ADAM20: variants seen among roughly 807,000 people sequenced by gnomAD.
ADAM20 encodes ADAM metallopeptidase domain 20.
For missense variants in ADAM20, 871 were observed against 883.2 expected (o/e 0.99, Z 0.18); for synonymous variants, 305 against 310.2 (o/e 0.98, Z 0.18).
At chr14:70,562,055 C>A in the ADAM20 span, among the ~76,000 whole-genome samples, 3 of 152,202 alleles carry the variant, frequency 2.0e-5, no homozygotes, top group African/African-American at 7.2e-5. Context: ...CAGCTTGAAC[C>A]GAGCACATGG....
Position 70,524,551 on chromosome 14 carries a change from T to A in ADAM20, c.207A>T (p.Gly69=). Residue 69 remains glycine (G), a synonymous_variant, in exon 2 of 2, where the codon GGA becomes GGT. Coordinates refer to ENST00000256389, the MANE Select transcript of ADAM20 (RefSeq NM_003814.5). ...CCCTCATGTGGACAATGTATCTCTG[T>A]CCCCCAAACCGCAGGCTATAGGAGA... ...GWLSYSLRFG[G]QRYIVHMRVN... 6.2e-7 allele frequency: 1 copy of A among 1,613,840 alleles called. No homozygotes were observed. The highest frequency in any genetic ancestry group is 8.5e-7 in the Non-Finnish European group (1 of 1,179,898).
chr14:70,530,985 C>T (rs1287110890), intron 1 of ADAM20, among the ~76,000 whole-genome samples: 1 of 150,890 alleles, frequency 6.6e-6, no homozygotes, highest in Admixed American at 6.6e-5. Context: ...AGAAAAAAGA[C>T]ATAAACATTG....
chr14:70,574,368 G>A, the ADAM20 span, among the ~76,000 whole-genome samples: 16 of 152,204 alleles, frequency 1.1e-4, no homozygotes, highest in South Asian at 4.2e-4. Context: ...AGAAGAGGCC[G>A]GGCATGGTGG....
At chr14:70,579,078 A>G in the ADAM20 span, among the ~76,000 whole-genome samples, 1 of 152,054 alleles carries the variant, frequency 6.6e-6, no homozygotes, top group Non-Finnish European at 1.5e-5. Flanking sequence ...TTAAAATCCA[A>G]TCCACTCTTG....
chr14:70,563,293 GT>G, the ADAM20 span, among the ~76,000 whole-genome samples: 1 of 152,050 alleles, frequency 6.6e-6, no homozygotes, highest in Non-Finnish European at 1.5e-5. Context: ...AAAGGAAAAG[GT>G]TTGCTATATT....
chr14:70,527,654 C>A (rs1262649275), intron 1 of ADAM20, among the ~76,000 whole-genome samples: 1 of 152,146 alleles, frequency 6.6e-6, no homozygotes, highest in East Asian at 1.9e-4. Flanking sequence ...GTAAACAAAT[C>A]TCTGTAGATC....
chr14:70,538,831 C>T (rs1052371033), upstream of ADAM20, among the ~76,000 whole-genome samples: 1 of 152,176 alleles, frequency 6.6e-6, no homozygotes, highest in Non-Finnish European at 1.5e-5. Context: ...TGGAGTCTTG[C>T]TCTGTCACCA....
the ADAM20 span, among the ~76,000 whole-genome samples, chr14:70,555,937 C>T: frequency 6.6e-6 from 1 of 152,202 alleles, no homozygotes; most frequent in African/African-American, 2.4e-5. Flanking sequence ...TTCCTTTTAA[C>T]GGACCAAGGA....
chr14:70,538,765 TA>T (rs1458586602), upstream of ADAM20, among the ~76,000 whole-genome samples: 2 of 152,200 alleles, frequency 1.3e-5, no homozygotes, highest in African/African-American at 4.8e-5. Flanking sequence ...TATACTTGTT[TA>T]TTAGGCCCTG....
At position 70,523,580 on chromosome 14, in the gene ADAM20, A is replaced by G. The variant is rs917509056; in HGVS notation, c.1178T>C (p.Leu393Ser). 15 of 1,614,074 alleles carry G rather than the reference A, an allele frequency of 9.3e-6. No homozygotes were observed. In the Middle Eastern group the frequency reaches 1.2e-3, roughly 124 times the overall value. The change falls in exon 2 of 2, where the codon TTA becomes TCA. Residue 393 changes from leucine to serine, a missense_variant. Physicochemically the swap from Leu to Ser is moderately radical, Grantham distance 145. Coordinates refer to ENST00000256389, the MANE Select transcript of ADAM20 (RefSeq NM_003814.5). The stretch of plus-strand genomic sequence containing the variant: ...TGGATATGGAGGCGGTTGAATACAT[A>G]ATCCACTACTGATAGTACTGTCCCA... ...QYWDSTISSGLCIQPPPYPGN... is the reference protein window; with the variant it reads ...QYWDSTISSGSCIQPPPYPGN...
chr14:70,569,073 A>C, the ADAM20 span, among the ~76,000 whole-genome samples: 1 of 152,188 alleles, frequency 6.6e-6, no homozygotes, highest in African/African-American at 2.4e-5. Flanking sequence ...GACTAACAGC[A>C]GACTTCTCAG....
At chr14:70,525,402 G>T (rs1247927487) in intron 1 of ADAM20, among the ~76,000 whole-genome samples, 2 of 151,784 alleles carry the variant, frequency 1.3e-5, no homozygotes, top group African/African-American at 4.8e-5. Flanking sequence ...TTTTTGGGGG[G>T]ATAGAGATGG....
the ADAM20 span, among the ~76,000 whole-genome samples, chr14:70,565,244 A>C: frequency 2.6e-5 from 4 of 151,666 alleles, no homozygotes; most frequent in African/African-American, 9.7e-5. Context: ...AAAATGAAAA[A>C]ATAATGAAAA....
In ADAM20 at chr14:70,522,869, T is replaced by C; in HGVS notation, c.1889A>G (p.His630Arg). ...CIRKKCASMV[H>R]LSQACQPKTC... Reference sequence around the variant, plus strand: ...CTTAGGCTGACAGGCTTGTGACAGATGAACCATACTGGCACACTTCTTACG... The same window carrying C: ...CTTAGGCTGACAGGCTTGTGACAGACGAACCATACTGGCACACTTCTTACG... The change falls in exon 2 of 2, where the codon CAT (histidine) becomes CGT (arginine). Residue 630 changes from histidine (H) to arginine (R), a missense_variant. Physicochemically the swap from His to Arg is conservative, Grantham distance 29. Coordinates refer to ENST00000256389, the MANE Select transcript of ADAM20 (RefSeq NM_003814.5). 3 of 1,614,062 alleles carry C rather than the reference T, an allele frequency of 1.9e-6. No individual in the cohort carries two copies. The highest frequency in any genetic ancestry group is 1.7e-6 in the Non-Finnish European group (2 of 1,179,942).
At position 70,522,478 on chromosome 14, in the gene ADAM20, T is replaced by G. The variant is rs1883471209; in HGVS notation, c.*99A>C. 1.6e-6 allele frequency: 2 copies of G among 1,224,964 alleles called. No homozygotes were observed. The highest frequency in any genetic ancestry group is 3.1e-5 in the African/African-American group (2 of 65,282). The allele number at this position is 1,224,964 out of a possible 1,614,324, so 75.9% of individuals were successfully genotyped here. On this transcript the variant is annotated 3_prime_UTR_variant, in exon 2 of 2. Coordinates refer to ENST00000256389, the MANE Select transcript of ADAM20 (RefSeq NM_003814.5). The stretch of plus-strand genomic sequence containing the variant: ...CCTGACATGAAATGTCCATGAAGTT[T>G]TATTTAAACAGTGAGACATGGCTTC...
chr14:70,564,667 T>C, the ADAM20 span, among the ~76,000 whole-genome samples: 11 of 148,810 alleles, frequency 7.4e-5, no homozygotes, highest in Non-Finnish European at 1.2e-4. Flanking sequence ...AGAATGTTGA[T>C]AGACAATTAA....
At chr14:70,573,798 T>C in the ADAM20 span, among the ~76,000 whole-genome samples, 2 of 152,300 alleles carry the variant, frequency 1.3e-5, no homozygotes, top group Admixed American at 6.5e-5. Flanking sequence ...AAAAAGATCA[T>C]TGTATAATGA....
intron 1 of ADAM20, 30 bp from the exon 2 acceptor site, chr14:70,524,963 T>C (rs1883557399): frequency 2.6e-6 from 4 of 1,518,014 alleles, no homozygotes; most frequent in African/African-American, 2.8e-5. Flanking sequence ...GTGGGTGGGA[T>C]AGAAAGGGAG....
chr14:70,555,556 CA>C, the ADAM20 span, among the ~76,000 whole-genome samples: 2 of 152,132 alleles, frequency 1.3e-5, no homozygotes, highest in African/African-American at 2.4e-5. Flanking sequence ...CTTTTACGGA[CA>C]GCCAGCAGCT....
Sources: gnomAD v4.1 joint callset for allele counts (sites outside exome capture counted in the v4.1 genomes callset) on GRCh38, gnomAD v4.1.1 for gene constraint, MANE v1.5 for transcripts, NCBI Gene and HGNC (gene_info 2026-07-23, HGNC 2026-07-21) for gene names.